B4GALT6: variants seen among roughly 807,000 people sequenced by gnomAD.
B4GALT6 encodes the protein beta-1,4-galactosyltransferase 6, also known as UDP-Gal:beta-GlcNAc beta-1,4-galactosyltransferase 6.
Under a neutral mutation model 46.3 loss-of-function variants are expected in B4GALT6, and 14 were observed. The observed-to-expected ratio is 0.30, with a 90% CI of 0.20 to 0.47. The LOEUF (loss-of-function observed/expected upper bound fraction) is 0.47, where lower values mean the gene tolerates loss of function less well. Among genes scored for constraint, B4GALT6 ranks in the 20% least tolerant of loss-of-function variants. The probability of loss-of-function intolerance (pLI) is 0.99; values close to 1 mark genes in which losing one functional copy is unlikely to be tolerated. For synonymous variants in B4GALT6, 168 were observed against 162.0 expected (o/e 1.04, Z -0.28); for missense variants, 386 against 480.1 (o/e 0.80, Z 1.83).
At chr18:31,652,112 C>G (rs900310194) in intron 3 of B4GALT6, among the ~76,000 whole-genome samples, 2 of 152,076 alleles carry the variant, frequency 1.3e-5, no homozygotes, top group Non-Finnish European at 2.9e-5. Context: ...ACAACATGCT[C>G]AAGTCCATCT....
chr18:31,724,164 G>C, the B4GALT6 span: 1 of 250,230 alleles, frequency 4.0e-6, no homozygotes, highest in Non-Finnish European at 8.0e-6. Flanking sequence ...TAAAGGTGTA[G>C]TTAATAAAGG....
At chr18:31,676,585 G>A (rs1314606641) in intron 1 of B4GALT6, among the ~76,000 whole-genome samples, 1 of 152,152 alleles carries the variant, frequency 6.6e-6, no homozygotes, top group Non-Finnish European at 1.5e-5. Context: ...TTTCTCTTCT[G>A]AAGGAAAAGA....
the B4GALT6 span, among the ~76,000 whole-genome samples, chr18:31,697,115 T>C: frequency 1.3e-5 from 2 of 151,930 alleles, no homozygotes; most frequent in Non-Finnish European, 2.9e-5. Context: ...TACTAAAAAA[T>C]ACAAAAATTA....
chr18:31,679,302 T>C (rs979441793), intron 1 of B4GALT6, among the ~76,000 whole-genome samples: 5 of 152,214 alleles, frequency 3.3e-5, no homozygotes, highest in African/African-American at 1.2e-4. Context: ...CAATATTGCC[T>C]AATTTCCCAC....
At chr18:31,638,910 C>G (rs1667279) in intron 4 of B4GALT6, 150 bp from the exon 5 acceptor site, 286,733 of 643,862 alleles carry the variant, frequency 0.45, 65,211 homozygotes, top group African/African-American at 0.56. Flanking sequence ...AGCAAACACG[C>G]AAAAAGCCCT....
chr18:31,682,348 G>A (rs1226603711), intron 1 of B4GALT6, among the ~76,000 whole-genome samples: 1 of 152,136 alleles, frequency 6.6e-6, no homozygotes, highest in Admixed American at 6.5e-5. Context: ...GATTCAGCTT[G>A]ACAATTTCAC....
At chr18:31,709,440 T>C in the B4GALT6 span, among the ~76,000 whole-genome samples, 1 of 148,374 alleles carries the variant, frequency 6.7e-6, no homozygotes, top group African/African-American at 2.5e-5. Flanking sequence ...CATACATATA[T>C]ATATATATAT....
At chr18:31,691,347 T>A in the B4GALT6 span, among the ~76,000 whole-genome samples, 14 of 93,348 alleles carry the variant, frequency 1.5e-4, no homozygotes, top group South Asian at 1.5e-3. Flanking sequence ...ATATATATAT[T>A]GCTCTGGGTT....
chr18:31,687,091 T>C (rs2029956211), upstream of B4GALT6, among the ~76,000 whole-genome samples: 1 of 152,204 alleles, frequency 6.6e-6, no homozygotes, highest in South Asian at 2.1e-4. Context: ...CCCTATCTCT[T>C]GATTTCTCTT....
At chr18:31,661,351 T>C (rs1011593067) in intron 2 of B4GALT6, among the ~76,000 whole-genome samples, 5 of 152,046 alleles carry the variant, frequency 3.3e-5, no homozygotes, top group South Asian at 2.1e-4. Context: ...ACAGAATAAA[T>C]TGTTAGTTCT....
At chr18:31,651,726 G>A (rs562427615) in intron 3 of B4GALT6, among the ~76,000 whole-genome samples, 3 of 152,174 alleles carry the variant, frequency 2.0e-5, no homozygotes, top group South Asian at 4.2e-4. Flanking sequence ...GCTCTATGGA[G>A]ACCTCCCTTG....
At chr18:31,723,380 T>C in the B4GALT6 span, among the ~76,000 whole-genome samples, 16 of 152,202 alleles carry the variant, frequency 1.1e-4, no homozygotes, top group Non-Finnish European at 1.9e-4. Flanking sequence ...GTTCTAGTTA[T>C]AGTCGCATTT....
At chr18:31,630,130 A>C (rs2144501979) in intron 6 of B4GALT6, among the ~76,000 whole-genome samples, 1 of 150,200 alleles carries the variant, frequency 6.7e-6, no homozygotes, top group Non-Finnish European at 1.5e-5. Flanking sequence ...AGGAGTGGGG[A>C]GGAGGAAGAG....
chr18:31,663,239 G>A (rs184459333), intron 2 of B4GALT6, among the ~76,000 whole-genome samples: 1 of 152,298 alleles, frequency 6.6e-6, no homozygotes, highest in Non-Finnish European at 1.5e-5. Flanking sequence ...TAAAACAGGT[G>A]TTAGAAACCG....
chr18:31,667,451 GCTGA>G (rs2074295740), intron 1 of B4GALT6, among the ~76,000 whole-genome samples: 1 of 152,174 alleles, frequency 6.6e-6, no homozygotes, highest in African/African-American at 2.4e-5. Flanking sequence ...AATTAGGAAT[GCTGA>G]CTAATTTTCT....
intron 5 of B4GALT6, among the ~76,000 whole-genome samples, chr18:31,633,740 G>A (rs995605888): frequency 2.0e-5 from 3 of 152,108 alleles, no homozygotes; most frequent in Non-Finnish European, 1.5e-5. Flanking sequence ...ACAGCATGGC[G>A]TGCTCCTTTA....
chr18:31,686,966 A>G (rs1598943699), upstream of B4GALT6: 1 of 152,334 alleles, frequency 6.6e-6, no homozygotes, highest in East Asian at 1.9e-4. Context: ...CTATAAACTG[A>G]GAGAGAAGTA....
chr18:31,628,544 AAAG>A (rs2073732699), intron 6 of B4GALT6, among the ~76,000 whole-genome samples: 1 of 152,238 alleles, frequency 6.6e-6, no homozygotes, highest in Non-Finnish European at 1.5e-5. Flanking sequence ...CAGATAAACT[AAAG>A]AAGAGAAAAC....
At chr18:31,641,608 T>C (rs1000123668) in intron 4 of B4GALT6, among the ~76,000 whole-genome samples, 6 of 152,204 alleles carry the variant, frequency 3.9e-5, no homozygotes, top group Non-Finnish European at 5.9e-5. Flanking sequence ...TTCTTCTATG[T>C]GCCCTAATTT....
Sources: allele counts gnomAD v4.1 joint callset (sites outside exome capture counted in the v4.1 genomes callset), GRCh38; gene constraint gnomAD v4.1.1; transcripts MANE v1.5; gene names NCBI Gene and HGNC (gene_info 2026-07-23, HGNC 2026-07-21).